The following PIP4K2B variants were observed in gnomAD, a reference collection of about 807,000 sequenced individuals.
PIP4K2B encodes phosphatidylinositol-5-phosphate 4-kinase type 2 beta.
A neutral mutation model predicts 42.0 loss-of-function variants in PIP4K2B; 3 were observed. That is an observed-to-expected ratio of 0.07 (90% CI 0.03 to 0.18). The LOEUF (loss-of-function observed/expected upper bound fraction) is 0.18, where lower values mean the gene tolerates loss of function less well. PIP4K2B is among the 10% of genes least tolerant of loss of function. The pLI is 1.00. For missense variants in PIP4K2B, 332 were observed against 562.3 expected (o/e 0.59, Z 4.14); for synonymous variants, 204 against 210.1 (o/e 0.97, Z 0.25).
At chr17:38,769,836 G>T (rs879071967) in intron 9 of PIP4K2B, 65 bp from the exon 10 acceptor site, 6 of 1,449,672 alleles carry the variant, frequency 4.1e-6, no homozygotes, top group South Asian at 1.1e-5. Flanking sequence ...CTGCACATGG[G>T]GGGAGCCAGG....
intron 7 of PIP4K2B, among the ~76,000 whole-genome samples, chr17:38,773,373 T>TG (rs2143331966): frequency 6.6e-6 from 1 of 152,246 alleles, no homozygotes; most frequent in Non-Finnish European, 1.5e-5. Context: ...TGTGTGGTGC[T>TG]GGGGGAAAGT....
rs1206807301 is a variant in PIP4K2B, at chr17:38,799,416, G to C, written c.9C>G (p.Ser3=). 1 of 1,596,138 alleles carries C rather than the reference G, an allele frequency of 6.3e-7. No homozygotes were observed. The highest frequency in any genetic ancestry group is 8.5e-7 in the Non-Finnish European group (1 of 1,175,234). ...CCACCGCCGTGGTGCTGGTGCAGTT[G>C]GACGACATGCCCGGGGCGGCGGCGG... is the stretch of plus-strand genomic sequence containing the variant. The part of the protein sequence containing the change: MS[S]NCTSTTAVAV... Residue 3 remains serine (S), a synonymous_variant, in exon 1 of 10, where the codon TCC becomes TCG. Coordinates refer to ENST00000619039, the MANE Select transcript of PIP4K2B (RefSeq NM_003559.5). This position sits in a 1 kb window ranked among gnomAD's most constrained non-coding sequence, Gnocchi z 4.4.
At chr17:38,779,732 G>A in intron 4 of PIP4K2B, 2 of 534,400 alleles carry the variant, frequency 3.7e-6, no homozygotes, top group Non-Finnish European at 6.7e-6. Flanking sequence ...TGTTGGCATG[G>A]CAGAGGGAGA....
chr17:38,786,724 G>A (rs916302917), intron 2 of PIP4K2B, 99 bp downstream of exon 2: 2 of 786,776 alleles, frequency 2.5e-6, no homozygotes, highest in African/African-American at 1.7e-5. Flanking sequence ...ACCCTGCCAG[G>A]TGCTGCCTTG....
At chr17:38,791,085 T>G (rs1334460899) in intron 1 of PIP4K2B, among the ~76,000 whole-genome samples, 1 of 151,992 alleles carries the variant, frequency 6.6e-6, no homozygotes, top group Non-Finnish European at 1.5e-5. Flanking sequence ...AAAAAAACCC[T>G]GACACCCTCA....
chr17:38,798,068 T>G (rs1436703427), intron 1 of PIP4K2B, among the ~76,000 whole-genome samples: 1 of 152,192 alleles, frequency 6.6e-6, no homozygotes, highest in Non-Finnish European at 1.5e-5. Context: ...TTCATCGATC[T>G]CCACCCAAAG....
Position 38,767,437 on chromosome 17 carries a change from C to T in PIP4K2B, c.*2254G>A, listed in dbSNP as rs1908760941. On this transcript the variant is annotated 3_prime_UTR_variant, in exon 10 of 10. Transcript: ENST00000619039. ...AAACCACAGCTCAAAATGTTATGACCCAGTCAACAATACTGTCAGAAAAAC... is the reference window on the plus strand; with the variant it reads ...AAACCACAGCTCAAAATGTTATGACTCAGTCAACAATACTGTCAGAAAAAC... 1 of 151,948 alleles carries T rather than the reference C, an allele frequency of 6.6e-6. No homozygotes were observed. 9.4% of individuals were successfully genotyped at this position (151,948 alleles called of 1,614,324 possible). A position where few individuals can be genotyped will look rare whatever the true frequency, so the allele number is the denominator to read the frequency against.
chr17:38,792,374 G>A (rs965489669), intron 1 of PIP4K2B, among the ~76,000 whole-genome samples: 2 of 152,058 alleles, frequency 1.3e-5, no homozygotes, highest in Non-Finnish European at 2.9e-5. Flanking sequence ...AAAGCCCTGG[G>A]CTCAAGCAAT....
At chr17:38,787,601 C>T (rs576926851) in intron 1 of PIP4K2B, among the ~76,000 whole-genome samples, 44 of 152,134 alleles carry the variant, frequency 2.9e-4, no homozygotes, top group African/African-American at 1.0e-3. Flanking sequence ...CTTTCTTTTT[C>T]TTTTTCTTTG....
intron 3 of PIP4K2B, among the ~76,000 whole-genome samples, chr17:38,783,195 C>CAAAAAAAAAAA (rs35913511): frequency 1.8e-5 from 1 of 55,922 alleles, no homozygotes; most frequent in African/African-American, 9.0e-5. Context: ...AACTCCATCT[C>CAAAAAAAAAAA]AAAAAAAAAA....
chr17:38,789,403 C>A (rs1323311877), intron 1 of PIP4K2B, among the ~76,000 whole-genome samples: 5 of 152,196 alleles, frequency 3.3e-5, no homozygotes, highest in Non-Finnish European at 7.3e-5. Context: ...GACCCTCAAC[C>A]CAGTTGCCAC....
At position 38,770,242 on chromosome 17, in the gene PIP4K2B, C is replaced by A. The variant is rs551261666; in HGVS notation, c.1170+194G>T. Reference sequence around the variant, plus strand: ...GATAAACAAATTGGGCCCAGCCTGGCAGGGAGCAGGTGGGTGAAGGCAGGG... The same window carrying A: ...GATAAACAAATTGGGCCCAGCCTGGAAGGGAGCAGGTGGGTGAAGGCAGGG... On this transcript the variant is annotated intron_variant, in intron 9 of 9. Coordinates refer to ENST00000619039, the MANE Select transcript of PIP4K2B (RefSeq NM_003559.5). Among the ~76,000 whole-genome samples, 24 of 152,312 alleles carry A rather than the reference C, an allele frequency of 1.6e-4. No individual in the cohort carries two copies. In the South Asian group the frequency reaches 2.5e-3, roughly 16 times the overall value.
At position 38,780,520 on chromosome 17, in the gene PIP4K2B, A is replaced by G. The variant is rs762939961; in HGVS notation, c.439T>C (p.Phe147Leu). Residue 147 changes from phenylalanine to leucine, a missense_variant, in exon 4 of 10, where the codon TTT (phenylalanine) becomes CTT (leucine). Physicochemically the swap from Phe to Leu is conservative, Grantham distance 22. Coordinates refer to ENST00000619039, the MANE Select transcript of PIP4K2B (RefSeq NM_003559.5). ...TRFLTTYDRRFVIKTVSSEDV... is the reference protein window; with the variant it reads ...TRFLTTYDRRLVIKTVSSEDV... ...TCGCTGGACACAGTCTTGATGACAA[A>G]GCGCCGGTCGTAGGTGGTGAGGAAA... 6.2e-7 allele frequency: 1 copy of G among 1,614,062 alleles called. No individual in the cohort carries two copies. Among genetic ancestry groups the G allele is most frequent in the Non-Finnish European group, 8.5e-7 (1 of 1,179,916 alleles).
rs117493197 is a variant in PIP4K2B, at chr17:38,799,128, G to A, written c.159+138C>T. The A allele has an allele frequency of 0.014, 12,392 of 880,046 alleles. 137 individuals carry two copies. The highest frequency in any genetic ancestry group is 0.046 in the East Asian group (1,446 of 31,462). The allele number at this position is 880,046 out of a possible 1,614,324, so 54.5% of individuals were successfully genotyped here. A position where few individuals can be genotyped will look rare whatever the true frequency, so the allele number is the denominator to read the frequency against. ...GCACACGGGGCCGAAAGGCGTGCAA[G>A]GGTGGGGTGGGCGTGCAAGTGGCTT... On this transcript the variant is annotated intron_variant, in intron 1 of 9. Coordinates refer to ENST00000619039, the MANE Select transcript of PIP4K2B (RefSeq NM_003559.5). This position sits in a 1 kb window ranked among gnomAD's most constrained non-coding sequence, Gnocchi z 4.4.
chr17:38,795,975 C>T (rs1044954451), intron 1 of PIP4K2B, among the ~76,000 whole-genome samples: 4 of 151,514 alleles, frequency 2.6e-5, no homozygotes, highest in African/African-American at 9.7e-5. Flanking sequence ...CTTGTCTCTA[C>T]TAAAATAAAA....
chr17:38,790,344 T>C (rs1021375485), intron 1 of PIP4K2B, among the ~76,000 whole-genome samples: 3 of 152,194 alleles, frequency 2.0e-5, no homozygotes, highest in Non-Finnish European at 4.4e-5. Flanking sequence ...TCCTTTTTCC[T>C]GGCATATCAA....
chr17:38,792,398 T>TAC (rs1910390364), intron 1 of PIP4K2B, among the ~76,000 whole-genome samples: 5 of 152,062 alleles, frequency 3.3e-5, no homozygotes, highest in Admixed American at 6.5e-5. Flanking sequence ...TCCACCTCAG[T>TAC]CTCTCAAAGT....
At chr17:38,784,370 A>C (rs762736070) in intron 2 of PIP4K2B, 31 bp from the exon 3 acceptor site, 41 of 1,183,214 alleles carry the variant, frequency 3.5e-5, no homozygotes, top group Middle Eastern at 2.0e-4. Flanking sequence ...GTCTTTGTGA[A>C]CTGCCCCTTG....
chr17:38,789,594 T>C (rs890263735), intron 1 of PIP4K2B, among the ~76,000 whole-genome samples: 7 of 152,170 alleles, frequency 4.6e-5, no homozygotes, highest in Admixed American at 3.3e-4. Context: ...ATGGGGGAAA[T>C]GGCATTTAAT....
Sources: allele counts gnomAD v4.1 joint callset (sites outside exome capture counted in the v4.1 genomes callset), GRCh38; gene constraint gnomAD v4.1.1; non-coding constraint Gnocchi (gnomAD v3.1); transcripts MANE v1.5; gene names NCBI Gene and HGNC (gene_info 2026-07-23, HGNC 2026-07-21).